DPP4: variants seen among roughly 807,000 people sequenced by gnomAD.
DPP4 encodes dipeptidyl peptidase 4.
A neutral mutation model predicts 122.4 loss-of-function variants in DPP4; 93 were observed. The observed-to-expected ratio is 0.76, with a 90% confidence interval of 0.64 to 0.90. DPP4 has a LOEUF of 0.90. Among genes scored for constraint, DPP4 ranks in the 40% least tolerant of loss-of-function variants. The probability of loss-of-function intolerance (pLI) is 0.00; values close to 1 mark genes in which losing one functional copy is unlikely to be tolerated. For missense variants in DPP4, 914 were observed against 907.3 expected (o/e 1.01, Z -0.09); for synonymous variants, 321 against 302.9 (o/e 1.06, Z -0.62).
intron 23 of DPP4, among the ~76,000 whole-genome samples, chr2:162,000,150 C>A (rs1701109835): frequency 1.3e-5 from 2 of 152,088 alleles, no homozygotes. Flanking sequence ...AGCAACCCAG[C>A]ACTTCAGTAA....
At chr2:162,008,486 AG>A in intron 22 of DPP4, 75 bp downstream of exon 22, 1 of 1,265,544 alleles carries the variant, frequency 7.9e-7, no homozygotes, top group South Asian at 1.2e-5. Context: ...ACTGAAACTC[AG>A]AAAGGAATGG....
At chr2:162,019,920 G>C (rs984177196) in intron 14 of DPP4, among the ~76,000 whole-genome samples, 2 of 152,132 alleles carry the variant, frequency 1.3e-5, no homozygotes, top group African/African-American at 2.4e-5. Flanking sequence ...ATCAGTGCCA[G>C]CTGAAATTTA....
chr2:162,020,742 A>G, intron 12 of DPP4, 54 bp from the exon 13 acceptor site: 1 of 1,359,690 alleles, frequency 7.4e-7, no homozygotes, highest in South Asian at 1.3e-5. Flanking sequence ...TCATCTCAGT[A>G]CCAACTTTAG....
In DPP4 at chr2:162,033,893, T is replaced by TATATATATATATATATAC. The variant is rs1491588211; in HGVS notation, c.775-241_775-240insGTATATATATATATATAT. Among the ~76,000 whole-genome samples, 18 of 138,578 alleles carry TATATATATATATATATAC rather than the reference T, an allele frequency of 1.3e-4. 1 individual carries two copies. Among genetic ancestry groups the TATATATATATATATATAC allele is most frequent in the African/African-American group, 4.1e-4 (15 of 36,230 alleles). The allele number at this position is 138,578 out of a possible 152,430, so 90.9% of individuals were successfully genotyped here. The stretch of plus-strand genomic sequence containing the variant: ...ATATATATATATATATATATATATA[T>TATATATATATATATATAC]ACACACTATATAAAACTTGAAGGTC... On this transcript the variant is annotated intron_variant, in intron 9 of 25. Transcript: ENST00000360534.
intron 2 of DPP4, among the ~76,000 whole-genome samples, chr2:162,054,217 A>G (rs943075920): frequency 6.6e-6 from 1 of 152,240 alleles, no homozygotes; most frequent in Admixed American, 6.5e-5. Context: ...GAATGGAAAT[A>G]TCTATCCTAG....
intron 22 of DPP4, among the ~76,000 whole-genome samples, chr2:162,007,590 T>A (rs1701315211): frequency 6.6e-6 from 1 of 152,140 alleles, no homozygotes; most frequent in Admixed American, 6.5e-5. Context: ...GAAGTTTTCT[T>A]CTCATTTCAT....
At chr2:162,043,781 A>G (rs1282786212) in intron 5 of DPP4, among the ~76,000 whole-genome samples, 7 of 152,184 alleles carry the variant, frequency 4.6e-5, no homozygotes. Flanking sequence ...TAATCCTAGC[A>G]CTTGGGGAAA....
intron 23 of DPP4, among the ~76,000 whole-genome samples, chr2:162,001,777 C>T (rs1701155575): frequency 6.6e-6 from 1 of 152,138 alleles, no homozygotes; most frequent in South Asian, 2.1e-4. Context: ...TCAAATCTGT[C>T]ACCATTTCTG....
At chr2:162,030,444 G>A (rs781496166) in intron 10 of DPP4, among the ~76,000 whole-genome samples, 14 of 152,168 alleles carry the variant, frequency 9.2e-5, no homozygotes, top group South Asian at 2.1e-4. Context: ...GTGGTGAAGG[G>A]ATATGGCCTA....
chr2:162,041,940 T>C lies in DPP4; in HGVS notation c.367-2756A>G, dbSNP rs116686440. Among the ~76,000 whole-genome samples, 419 of 152,202 alleles carry C rather than the reference T, an allele frequency of 2.8e-3. 1 individual carries two copies. Among genetic ancestry groups the C allele is most frequent in the African/African-American group, 9.5e-3 (393 of 41,548 alleles). Reference sequence around the variant, plus strand: ...TCACAATAGGATGTGCCAAGAGATATAATGGAGGTGGGTGGGAGAGGCAGG... The same window carrying C: ...TCACAATAGGATGTGCCAAGAGATACAATGGAGGTGGGTGGGAGAGGCAGG... On this transcript the variant is annotated intron_variant, in intron 5 of 25. Coordinates refer to ENST00000360534, the MANE Select transcript of DPP4 (RefSeq NM_001935.4).
At chr2:162,028,414 A>T (rs573056660) in intron 10 of DPP4, among the ~76,000 whole-genome samples, 4 of 152,220 alleles carry the variant, frequency 2.6e-5, no homozygotes, top group Non-Finnish European at 5.9e-5. Flanking sequence ...TGAAAAGTTT[A>T]AGTCCCACTT....
chr2:162,060,101 C>G (rs1189795402), intron 2 of DPP4, among the ~76,000 whole-genome samples: 2 of 152,210 alleles, frequency 1.3e-5, no homozygotes, highest in African/African-American at 4.8e-5. Context: ...CCTGTGGTTA[C>G]AATCACTCTT....
chr2:162,036,382 T>C (rs1683769540), intron 8 of DPP4, among the ~76,000 whole-genome samples: 2 of 152,318 alleles, frequency 1.3e-5, no homozygotes, highest in South Asian at 4.1e-4. Flanking sequence ...GCAGCTGACA[T>C]TCAATGAGTG....
At chr2:162,007,727 A>G (rs1576036027) in intron 22 of DPP4, among the ~76,000 whole-genome samples, 3 of 152,170 alleles carry the variant, frequency 2.0e-5, no homozygotes, top group African/African-American at 7.2e-5. Flanking sequence ...CATTGTGTGT[A>G]GATCAAATTA....
chr2:162,032,174 T>C (rs977456093), intron 10 of DPP4: 1 of 152,160 alleles, frequency 6.6e-6, no homozygotes, highest in African/African-American at 2.4e-5. Context: ...CGAAGCAGTA[T>C]CTAATAGCTT....
chr2:162,020,132 A>G, intron 14 of DPP4, 97 bp downstream of exon 14: 1 of 1,006,746 alleles, frequency 9.9e-7, no homozygotes, highest in Non-Finnish European at 1.5e-6. Context: ...CAAAAAGACT[A>G]CTCTTTATTT....
rs372642441 is a variant in DPP4 at position 162,030,896 on chromosome 2, G to A, written c.887+2645C>T. Among the ~76,000 whole-genome samples the A allele has an allele frequency of 4.6e-5, 7 of 152,278 alleles. No homozygotes were observed. In the East Asian group the frequency reaches 7.7e-4, roughly 17 times the overall value. On this transcript the variant is annotated intron_variant, in intron 10 of 25. Coordinates refer to ENST00000360534, the MANE Select transcript of DPP4 (RefSeq NM_001935.4). ...TAAGTGTGACTTAAAGAACTACTGA[G>A]AACAAGAACTTATTGACGAATTCAC...
In DPP4 at chr2:162,011,724, C is replaced by T. The variant is rs539545990; in HGVS notation, c.1832+69G>A. 7.8e-5 allele frequency: 117 copies of T among 1,501,492 alleles called. No individual in the cohort carries two copies. The African/African-American group carries it at 1.3e-3, about 17-fold the overall frequency. 93.0% of individuals were successfully genotyped at this position (1,501,492 alleles called of 1,614,324 possible). On this transcript the variant is annotated intron_variant, in intron 20 of 25. Transcript: ENST00000360534. ...ACTTTAAATTATTTACACTTTACAG[C>T]TTTAAAATGTAAATTTTAAAGGGGA...
At chr2:161,999,754 A>G (rs540592322) in intron 23 of DPP4, among the ~76,000 whole-genome samples, 10 of 152,310 alleles carry the variant, frequency 6.6e-5, no homozygotes, top group African/African-American at 1.9e-4. Context: ...AGGTATAACA[A>G]TTTTTAAACT....
Sources: allele counts gnomAD v4.1 joint callset (sites outside exome capture counted in the v4.1 genomes callset), GRCh38; gene constraint gnomAD v4.1.1; transcripts MANE v1.5; gene names NCBI Gene and HGNC (gene_info 2026-07-23, HGNC 2026-07-21).